PEBP4: variants seen among roughly 807,000 people sequenced by gnomAD.
The protein encoded by PEBP4 is phosphatidylethanolamine-binding protein 4.
Under a neutral mutation model 23.9 loss-of-function variants are expected in PEBP4, and 22 were observed. That is an observed-to-expected ratio of 0.92 (90% confidence interval 0.66 to 1.31). The LOEUF is 1.31. Ranked by LOEUF, PEBP4 falls within the 40% of genes most tolerant of loss-of-function variation. The pLI, the probability that PEBP4 is intolerant of heterozygous loss-of-function variation, is 0.00. For synonymous variants in PEBP4, 112 were observed against 99.3 expected (o/e 1.13, Z -0.76); for missense variants, 324 against 281.7 (o/e 1.15, Z -1.07).
intron 3 of PEBP4, among the ~76,000 whole-genome samples, chr8:22,883,019 G>A (rs757159815): frequency 1.3e-4 from 20 of 152,092 alleles, no homozygotes; most frequent in Admixed American, 9.8e-4. Flanking sequence ...GTGGCCCTGC[G>A]AGACATACCC....
chr8:22,713,457 G>A lies in PEBP4; in HGVS notation c.597C>T (p.Asn199=), dbSNP rs372966793. The change falls in exon 7 of 7, where the codon AAC becomes AAT. Residue 199 remains asparagine, a synonymous_variant. Coordinates refer to ENST00000256404, the MANE Select transcript of PEBP4 (RefSeq NM_144962.3). ...CCTGGAGGGTTGGTGAGTCCTGGTA[G>A]TTCTGGGTCATGAACTGGGTGCTTG... The part of the protein sequence containing the change: ...PEASTQFMTQ[N]YQDSPTLQAP... 6.8e-6 allele frequency: 11 copies of A among 1,613,992 alleles called. No homozygotes were observed. The highest frequency in any genetic ancestry group is 9.3e-6 in the Non-Finnish European group (11 of 1,180,020).
chr8:22,818,531 G>C (rs1806793544), intron 3 of PEBP4, among the ~76,000 whole-genome samples: 2 of 152,290 alleles, frequency 1.3e-5, no homozygotes, highest in South Asian at 4.1e-4. Flanking sequence ...GTGCAGGGGA[G>C]GGAGCAGAGG....
rs375704327 is a variant in PEBP4, at chr8:22,754,338, T to G, written c.358-27118A>C. ...GTATTAAGATCAGAGACCTTGTCTC[T>G]GTGACTGAATCCTCACTCTGTAGAC... On this transcript the variant is annotated intron_variant, in intron 4 of 6. Transcript: ENST00000256404. 5.9e-5 allele frequency among the ~76,000 whole-genome samples: 9 copies of G among 152,370 alleles called. No homozygotes were observed. In the East Asian group the frequency reaches 1.3e-3, roughly 23 times the overall value.
At chr8:22,924,858 T>A in intron 2 of PEBP4, 1 of 985,398 alleles carries the variant, frequency 1.0e-6, no homozygotes, top group Non-Finnish European at 1.2e-6. Flanking sequence ...GAAGGTCTGA[T>A]TCCCGAGAAG....
intron 3 of PEBP4, among the ~76,000 whole-genome samples, chr8:22,861,854 T>C (rs1264842859): frequency 6.6e-6 from 1 of 152,152 alleles, no homozygotes; most frequent in African/African-American, 2.4e-5. Context: ...AGTTGCCACT[T>C]ATAATAACCT....
At chr8:22,912,318 G>T (rs770538124) in intron 3 of PEBP4, among the ~76,000 whole-genome samples, 2 of 152,190 alleles carry the variant, frequency 1.3e-5, no homozygotes, top group Non-Finnish European at 2.9e-5. Context: ...GCAGGGGTGC[G>T]TTCTGTGTGT....
At chr8:22,886,003 T>A (rs1039314556) in intron 3 of PEBP4, 3 of 152,148 alleles carry the variant, frequency 2.0e-5, no homozygotes, top group Non-Finnish European at 4.4e-5. Context: ...GAATTACGGG[T>A]TAAGGAGGGA....
intron 3 of PEBP4, among the ~76,000 whole-genome samples, chr8:22,818,765 A>G (rs2128762065): frequency 6.6e-6 from 1 of 152,278 alleles, no homozygotes; most frequent in South Asian, 2.1e-4. Flanking sequence ...GGATGTTGGT[A>G]TCTTGGGCTA....
At chr8:22,900,932 G>A (rs553226536) in intron 3 of PEBP4, among the ~76,000 whole-genome samples, 65 of 152,216 alleles carry the variant, frequency 4.3e-4, no homozygotes, top group Non-Finnish European at 7.1e-4. Flanking sequence ...TTCCCACACC[G>A]CCACACATCA....
At chr8:22,785,548 T>G (rs1039673006) in intron 4 of PEBP4, among the ~76,000 whole-genome samples, 13 of 152,230 alleles carry the variant, frequency 8.5e-5, no homozygotes, top group African/African-American at 3.1e-4. Flanking sequence ...TGGCCACAGA[T>G]CCTGCTCCTG....
chr8:22,868,755 C>T (rs868147959), intron 3 of PEBP4, among the ~76,000 whole-genome samples: 55 of 152,122 alleles, frequency 3.6e-4, no homozygotes, highest in African/African-American at 1.3e-3. Flanking sequence ...GCTGTTGGCT[C>T]AATATCTGAC....
chr8:22,854,742 T>C (rs1328643928), intron 3 of PEBP4, among the ~76,000 whole-genome samples: 1 of 152,202 alleles, frequency 6.6e-6, no homozygotes, highest in Non-Finnish European at 1.5e-5. Context: ...TTATAACGTG[T>C]AATTATGTCA....
At chr8:22,935,601 C>T (rs1048806940) in intron 1 of PEBP4, among the ~76,000 whole-genome samples, 1 of 152,106 alleles carries the variant, frequency 6.6e-6, no homozygotes, top group African/African-American at 2.4e-5. Context: ...CTTTGAAGGC[C>T]TATGGAATAC....
intron 6 of PEBP4, among the ~76,000 whole-genome samples, chr8:22,721,304 G>A (rs1804513052): frequency 6.6e-6 from 1 of 152,148 alleles, no homozygotes; most frequent in South Asian, 2.1e-4. Context: ...GAGACCCAGG[G>A]AGGGGAGGTC....
intron 2 of PEBP4, chr8:22,924,669 C>T (rs1809285158): frequency 1.0e-6 from 1 of 985,234 alleles, no homozygotes; most frequent in South Asian, 4.7e-5. Flanking sequence ...GCAGCAGCTC[C>T]CATCCCTAGG....
rs557498501 is a variant in PEBP4 at position 22,785,356 on chromosome 8, T to C, written c.357+32281A>G. Among the ~76,000 whole-genome samples, 3 of 152,316 alleles carry C rather than the reference T, an allele frequency of 2.0e-5. No homozygotes were observed. In the South Asian group the frequency reaches 6.2e-4, roughly 32 times the overall value. ...CCTCCTGGGGCCACCTATGGGAATC[T>C]GGCCCAAGTGCCCCTCTGCATTTCC... On this transcript the variant is annotated intron_variant, in intron 4 of 6. Coordinates refer to ENST00000256404, the MANE Select transcript of PEBP4 (RefSeq NM_144962.3).
intron 1 of PEBP4, among the ~76,000 whole-genome samples, chr8:22,937,316 G>A (rs1026068365): frequency 2.6e-5 from 4 of 152,034 alleles, no homozygotes; most frequent in South Asian, 2.1e-4. Context: ...ATTCAAATAG[G>A]AAATTAGGAA....
intron 3 of PEBP4, among the ~76,000 whole-genome samples, chr8:22,825,951 G>A (rs1409389591): frequency 1.3e-5 from 2 of 152,210 alleles, no homozygotes; most frequent in Non-Finnish European, 2.9e-5. Context: ...CAAATATTGT[G>A]TGATTCCACG....
intron 4 of PEBP4, among the ~76,000 whole-genome samples, chr8:22,791,947 C>G (rs1484237306): frequency 6.6e-6 from 1 of 151,894 alleles, no homozygotes; most frequent in Non-Finnish European, 1.5e-5. Context: ...GCCTTGAACT[C>G]CTAGACTCAA....
Sources: allele counts gnomAD v4.1 joint callset (sites outside exome capture counted in the v4.1 genomes callset), GRCh38; gene constraint gnomAD v4.1.1; transcripts MANE v1.5; gene names NCBI Gene and HGNC (gene_info 2026-07-23, HGNC 2026-07-21).